CD226: variants seen among roughly 807,000 people sequenced by gnomAD.
The protein encoded by CD226 is CD226 molecule.
A neutral mutation model predicts 34.9 loss-of-function variants in CD226; 24 were observed. The observed-to-expected ratio is 0.69, with a 90% CI of 0.50 to 0.97. CD226 has a LOEUF of 0.97. Ranked by LOEUF, CD226 falls within the 50% of genes least tolerant of loss-of-function variation. CD226 has a pLI of 0.00. For synonymous variants in CD226, 148 were observed against 147.4 expected (o/e 1.00, Z -0.03); for missense variants, 397 against 412.7 (o/e 0.96, Z 0.33).
At chr18:69,916,642 T>C (rs2055389532) in intron 2 of CD226, among the ~76,000 whole-genome samples, 1 of 152,222 alleles carries the variant, frequency 6.6e-6, no homozygotes, top group Admixed American at 6.5e-5. Context: ...ACTAGAAATC[T>C]GAGCTTTATC....
At chr18:69,907,891 T>C (rs745793795) in intron 2 of CD226, among the ~76,000 whole-genome samples, 2 of 152,218 alleles carry the variant, frequency 1.3e-5, no homozygotes, top group African/African-American at 2.4e-5. Flanking sequence ...TTTGAGAGGA[T>C]GGATACATGA....
chr18:69,929,765 C>T (rs2055566687), intron 2 of CD226, among the ~76,000 whole-genome samples: 1 of 152,194 alleles, frequency 6.6e-6, no homozygotes, highest in African/African-American at 2.4e-5. Flanking sequence ...CTCCCTGATG[C>T]AGTCAATGAC....
At chr18:69,889,295 A>C (rs2145226175) in intron 3 of CD226, among the ~76,000 whole-genome samples, 1 of 152,280 alleles carries the variant, frequency 6.6e-6, no homozygotes, top group South Asian at 2.1e-4. Context: ...ATATAAATTA[A>C]CTGTCATGGA....
At chr18:69,888,432 T>C (rs1212662890) in intron 3 of CD226, among the ~76,000 whole-genome samples, 7 of 150,450 alleles carry the variant, frequency 4.7e-5, no homozygotes, top group Non-Finnish European at 1.0e-4. Flanking sequence ...TTTTTTTTTT[T>C]TTTGGAGACA....
intron 2 of CD226, among the ~76,000 whole-genome samples, chr18:69,928,782 G>T (rs2055554318): frequency 6.6e-6 from 1 of 152,188 alleles, no homozygotes; most frequent in African/African-American, 2.4e-5. Flanking sequence ...CAGATTTTTT[G>T]ATTTGGGATA....
At chr18:69,941,597 C>T (rs2055725041) in intron 2 of CD226, among the ~76,000 whole-genome samples, 1 of 152,180 alleles carries the variant, frequency 6.6e-6, no homozygotes, top group Non-Finnish European at 1.5e-5. Flanking sequence ...TGGCCAATTT[C>T]TCTCATTTAG....
chr18:69,865,746 A>G (rs1254646096), intron 5 of CD226, among the ~76,000 whole-genome samples: 5 of 152,266 alleles, frequency 3.3e-5, no homozygotes, highest in African/African-American at 1.2e-4. Flanking sequence ...TAAAAAGTTA[A>G]ACTGATAAAT....
intron 2 of CD226, among the ~76,000 whole-genome samples, chr18:69,911,091 T>C (rs1375295905): frequency 2.0e-5 from 3 of 152,172 alleles, no homozygotes; most frequent in Non-Finnish European, 2.9e-5. Context: ...CAAGAAACAA[T>C]GTTAATTGAA....
chr18:69,954,327 G>C (rs1192665159), intron 1 of CD226, among the ~76,000 whole-genome samples: 1 of 152,238 alleles, frequency 6.6e-6, no homozygotes, highest in Non-Finnish European at 1.5e-5. Flanking sequence ...TAATGCAAAA[G>C]ATCATGATAG....
In CD226 at chr18:69,942,857, C is replaced by G. The variant is rs1000272392; in HGVS notation, c.382+3877G>C. ...ACCTCCACTGTGCCCTTCTTTAAGC[C>G]ATCAGTACCCCCAGGACACCCTTCC... On this transcript the variant is annotated intron_variant, in intron 2 of 5. Coordinates refer to ENST00000582621, the MANE Select transcript of CD226 (RefSeq NM_001303618.2). 2.6e-5 allele frequency among the ~76,000 whole-genome samples: 4 copies of G among 152,180 alleles called. 1 individual carries two copies. The highest frequency in any genetic ancestry group is 2.6e-4 in the Admixed American group (4 of 15,286).
rs532209444 is a variant in CD226 at position 69,863,376 on chromosome 18, G to T, written c.*938C>A. ...CAAAACATTAAGTTATTTATTATTC[G>T]ACTATCTACTACATTTGCTCCTAAG... On this transcript the variant is annotated 3_prime_UTR_variant, in exon 6 of 6. Transcript: ENST00000582621. 6.6e-6 allele frequency: 1 copy of T among 152,006 alleles called. No homozygotes were observed. Among genetic ancestry groups the T allele is most frequent in the Admixed American group, 6.6e-5 (1 of 15,254 alleles). 9.4% of individuals were successfully genotyped at this position (152,006 alleles called of 1,614,324 possible).
At chr18:69,960,927 T>C (rs953908207), upstream of CD226, among the ~76,000 whole-genome samples, 3 of 152,326 alleles carry the variant, frequency 2.0e-5, no homozygotes, top group African/African-American at 7.2e-5. Context: ...ACTGTCAATA[T>C]TTAACATATT....
intron 2 of CD226, among the ~76,000 whole-genome samples, chr18:69,919,423 A>G (rs2055425024): frequency 6.6e-6 from 1 of 152,218 alleles, no homozygotes; most frequent in African/African-American, 2.4e-5. Context: ...GAACCAAGGA[A>G]ATTTATCACA....
At chr18:69,893,493 C>A (rs1598979400) in intron 3 of CD226, among the ~76,000 whole-genome samples, 1 of 152,166 alleles carries the variant, frequency 6.6e-6, no homozygotes, top group Admixed American at 6.5e-5. Context: ...ATATAATGGG[C>A]AAAATCTTAT....
At chr18:69,904,164 C>T (rs1403382213) in intron 2 of CD226, among the ~76,000 whole-genome samples, 3 of 152,102 alleles carry the variant, frequency 2.0e-5, no homozygotes, top group Non-Finnish European at 2.9e-5. Flanking sequence ...AAAAACACAA[C>T]CCGACAAAGC....
chr18:69,872,057 G>GGTGTGTGTGTGT (rs201644137), intron 4 of CD226, among the ~76,000 whole-genome samples: 5,910 of 143,442 alleles, frequency 0.041, 249 homozygotes, highest in African/African-American at 0.11. Flanking sequence ...ATTAACAAGG[G>GGTGTGTGTGTGT]GTGTGTGTGT....
At chr18:69,910,887 G>C (rs2055315916) in intron 2 of CD226, among the ~76,000 whole-genome samples, 1 of 152,170 alleles carries the variant, frequency 6.6e-6, no homozygotes, top group African/African-American at 2.4e-5. Flanking sequence ...CAAGACAGAT[G>C]GTAGAGCAGA....
At chr18:69,961,174 T>C (rs1464900653), upstream of CD226, among the ~76,000 whole-genome samples, 2 of 152,186 alleles carry the variant, frequency 1.3e-5, no homozygotes, top group Non-Finnish European at 2.9e-5. Flanking sequence ...TAGGTATAAT[T>C]GTGTGCCTGT....
intron 3 of CD226, among the ~76,000 whole-genome samples, chr18:69,877,463 C>A (rs565399959): frequency 6.6e-6 from 1 of 152,124 alleles, no homozygotes; most frequent in East Asian, 1.9e-4. Flanking sequence ...GGCTTCATTA[C>A]GTAGGTATGA....
Sources: gnomAD v4.1 joint callset for allele counts (sites outside exome capture counted in the v4.1 genomes callset) on GRCh38, gnomAD v4.1.1 for gene constraint, MANE v1.5 for transcripts, NCBI Gene and HGNC (gene_info 2026-07-23, HGNC 2026-07-21) for gene names.